PIP4K2B: variants seen among roughly 807,000 people sequenced by gnomAD.
PIP4K2B encodes phosphatidylinositol 5-phosphate 4-kinase type-2 beta.
In PIP4K2B, 3 loss-of-function variants were observed where a neutral mutation model predicts 42.0. The observed-to-expected ratio is 0.07, with a 90% CI of 0.03 to 0.18. PIP4K2B has a LOEUF of 0.18. Ranked by LOEUF, PIP4K2B falls within the 10% of genes least tolerant of loss-of-function variation. The pLI, the probability that PIP4K2B is intolerant of heterozygous loss-of-function variation, is 1.00. For synonymous variants in PIP4K2B, 204 were observed against 210.1 expected, an observed-to-expected ratio of 0.97 and a Z score of 0.25; for missense variants, 332 against 562.3, an observed-to-expected ratio of 0.59 and a Z score of 4.14.
rs1256444798 is a variant in PIP4K2B, at chr17:38,766,985, AATCCTGGCCTTAGCCCT to A, written c.*2689_*2705del. Reference sequence around the variant, plus strand: ...AAGGGGTGACTGGATGCCAGCCAGGAATCCTGGCCTTAGCCCTATCCTGGCCTCGCCTAATCAGCCAT... The same window carrying A: ...AAGGGGTGACTGGATGCCAGCCAGGAATCCTGGCCTCGCCTAATCAGCCAT... On this transcript the variant is annotated 3_prime_UTR_variant, in exon 10 of 10. Transcript: ENST00000619039. The A allele has an allele frequency of 2.0e-5, 3 of 152,428 alleles. No individual in the cohort carries two copies. The highest frequency in any genetic ancestry group is 4.1e-4 in the South Asian group (2 of 4,828). The allele number at this position is 152,428 out of a possible 1,614,324, so 9.4% of individuals were successfully genotyped here.
At chr17:38,790,886 A>G (rs184278294) in intron 1 of PIP4K2B, among the ~76,000 whole-genome samples, 2 of 152,012 alleles carry the variant, frequency 1.3e-5, no homozygotes, top group African/African-American at 4.8e-5. Flanking sequence ...TATTATTATT[A>G]TTTTTTTAGT....
chr17:38,782,242 T>C (rs1169051671), intron 3 of PIP4K2B, among the ~76,000 whole-genome samples: 1 of 152,092 alleles, frequency 6.6e-6, no homozygotes, highest in Non-Finnish European at 1.5e-5. Flanking sequence ...AGTTGGGAGG[T>C]AGAGGCAGCA....
chr17:38,781,966 C>A (rs972237365), intron 3 of PIP4K2B, among the ~76,000 whole-genome samples: 22 of 152,054 alleles, frequency 1.4e-4, no homozygotes, highest in African/African-American at 5.1e-4. Context: ...GCATGCACCA[C>A]CATGCCCGGC....
chr17:38,780,727 G>C, intron 3 of PIP4K2B, 123 bp from the exon 4 acceptor site: 1 of 878,218 alleles, frequency 1.1e-6, no homozygotes, highest in Non-Finnish European at 1.7e-6. Flanking sequence ...GGGACTCCCA[G>C]ATGGGAGTTT....
chr17:38,779,921 G>A lies in PIP4K2B; in HGVS notation c.508-392C>T, dbSNP rs566819081. On this transcript the variant is annotated intron_variant, in intron 4 of 9. Transcript: ENST00000619039. ...GAGACAGGATGCAGAGGCAGGCCAGGGATCCAGCCATCTGGGAGAAGAGAA... is the reference window on the plus strand; with the variant it reads ...GAGACAGGATGCAGAGGCAGGCCAGAGATCCAGCCATCTGGGAGAAGAGAA... 4 of 212,642 alleles carry A rather than the reference G, an allele frequency of 1.9e-5. No individual in the cohort carries two copies. In the East Asian group the frequency reaches 4.2e-4, roughly 22 times the overall value. The allele number at this position is 212,642 out of a possible 1,614,324, so 13.2% of individuals were successfully genotyped here.
Position 38,768,758 on chromosome 17 carries a change from C to T in PIP4K2B, c.*933G>A, listed in dbSNP as rs1174196304. On this transcript the variant is annotated 3_prime_UTR_variant, in exon 10 of 10. Coordinates refer to ENST00000619039, the MANE Select transcript of PIP4K2B (RefSeq NM_003559.5). Reference sequence around the variant, plus strand: ...TTGATACATCAGTTTCTGAAGTTTTCCCAAAGGGAAATAACCATTTAAACA... The same window carrying T: ...TTGATACATCAGTTTCTGAAGTTTTTCCAAAGGGAAATAACCATTTAAACA... 6.6e-6 allele frequency: 1 copy of T among 152,316 alleles called. No individual in the cohort carries two copies. The highest frequency in any genetic ancestry group is 1.5e-5 in the Non-Finnish European group (1 of 68,046). The allele number at this position is 152,316 out of a possible 1,614,324, so 9.4% of individuals were successfully genotyped here.
chr17:38,798,696 T>G (rs921667124), intron 1 of PIP4K2B, among the ~76,000 whole-genome samples: 3 of 152,158 alleles, frequency 2.0e-5, no homozygotes, highest in African/African-American at 7.2e-5. Flanking sequence ...CAAGGAAGCC[T>G]GTGCTTCTCC....
intron 5 of PIP4K2B, among the ~76,000 whole-genome samples, chr17:38,778,670 A>G (rs1482020124): frequency 1.3e-5 from 2 of 151,160 alleles, no homozygotes; most frequent in Admixed American, 6.7e-5. Flanking sequence ...TCATTAGTTC[A>G]TTCACTACCA....
intron 9 of PIP4K2B, among the ~76,000 whole-genome samples, 157 bp from the exon 10 acceptor site, chr17:38,769,928 T>A (rs228288): frequency 0.17 from 26,486 of 151,556 alleles, 2,580 homozygotes; most frequent in East Asian, 0.32. Flanking sequence ...CCTCAGGAAG[T>A]GGCATACAAG....
intron 5 of PIP4K2B, among the ~76,000 whole-genome samples, chr17:38,779,009 G>A (rs539888806): frequency 6.6e-6 from 1 of 152,280 alleles, no homozygotes; most frequent in African/African-American, 2.4e-5. Flanking sequence ...AGAACACGGA[G>A]CACCCTAGTT....
chr17:38,799,399 G>C lies in PIP4K2B; in HGVS notation c.26C>G (p.Thr9Arg), dbSNP rs1358938624. 1.2e-6 allele frequency: 2 copies of C among 1,603,950 alleles called. No homozygotes were observed. Among genetic ancestry groups the C allele is most frequent in the Admixed American group, 1.7e-5 (1 of 59,212 alleles). Reference protein sequence around the residue: MSSNCTSTTAVAVAPLSAS... With the variant: MSSNCTSTRAVAVAPLSAS... Reference sequence around the variant, plus strand: ...GCTGAGCGGCGCCACCGCCACCGCCGTGGTGCTGGTGCAGTTGGACGACAT... The same window carrying C: ...GCTGAGCGGCGCCACCGCCACCGCCCTGGTGCTGGTGCAGTTGGACGACAT... The change falls in exon 1 of 10, where the codon ACG (threonine) becomes AGG (arginine). Residue 9 changes from threonine (T) to arginine (R), a missense_variant. Physicochemically the swap from Thr to Arg is moderately conservative, Grantham distance 71. Transcript: ENST00000619039. The surrounding 1 kb of genome is among the most constrained non-coding windows in gnomAD (Gnocchi z 4.4).
intron 7 of PIP4K2B, among the ~76,000 whole-genome samples, chr17:38,776,414 C>A (rs1444013602): frequency 6.6e-6 from 1 of 152,072 alleles, no homozygotes; most frequent in African/African-American, 2.4e-5. Context: ...GATAAAAGTT[C>A]AGAGATGAAT....
chr17:38,799,176 C>T lies in PIP4K2B; in HGVS notation c.159+90G>A. The T allele has an allele frequency of 1.5e-6, 2 of 1,358,516 alleles. No homozygotes were observed. Among genetic ancestry groups the T allele is most frequent in the Non-Finnish European group, 1.9e-6 (2 of 1,036,136 alleles). 84.2% of individuals were successfully genotyped at this position (1,358,516 alleles called of 1,614,324 possible). ...CTTGGCGAGGGGTGGCAGGCGTCAC[C>T]GGCAGGGCCTGCGGGGCAAGGGCCC... On this transcript the variant is annotated intron_variant, in intron 1 of 9. Coordinates refer to ENST00000619039, the MANE Select transcript of PIP4K2B (RefSeq NM_003559.5). This position sits in a 1 kb window ranked among gnomAD's most constrained non-coding sequence, Gnocchi z 4.4.
At chr17:38,797,898 T>C (rs1910741195) in intron 1 of PIP4K2B, among the ~76,000 whole-genome samples, 2 of 152,294 alleles carry the variant, frequency 1.3e-5, no homozygotes, top group Non-Finnish European at 1.5e-5. Context: ...CTGGGCATTA[T>C]ACCACTGGTA....
At chr17:38,773,272 A>G (rs1298663537) in intron 7 of PIP4K2B, among the ~76,000 whole-genome samples, 1 of 152,160 alleles carries the variant, frequency 6.6e-6, no homozygotes, top group African/African-American at 2.4e-5. Context: ...TAAAAATAGA[A>G]AAAAAAGGAA....
chr17:38,784,473 C>G (rs894322156), intron 2 of PIP4K2B, 134 bp from the exon 3 acceptor site: 19 of 551,694 alleles, frequency 3.4e-5, no homozygotes, highest in African/African-American at 2.1e-4. Context: ...TGGCTTCAAG[C>G]GATCCTCCCA....
intron 3 of PIP4K2B, among the ~76,000 whole-genome samples, chr17:38,782,714 G>A (rs1343602718): frequency 6.6e-6 from 1 of 152,162 alleles, no homozygotes; most frequent in Non-Finnish European, 1.5e-5. Flanking sequence ...GGAGGAGAGA[G>A]GGGAGGAGAC....
intron 1 of PIP4K2B, among the ~76,000 whole-genome samples, chr17:38,787,244 C>A (rs1910081326): frequency 6.6e-6 from 1 of 152,182 alleles, no homozygotes. Flanking sequence ...CTGTCCTGAG[C>A]TCAAGCAATC....
chr17:38,784,170 T>C, intron 3 of PIP4K2B, 73 bp downstream of exon 3: 1 of 887,188 alleles, frequency 1.1e-6, no homozygotes, highest in Non-Finnish European at 1.9e-6. Flanking sequence ...ACGTTTTGAT[T>C]CTCTACCTGT....
Sources: gnomAD v4.1 joint callset for allele counts (sites outside exome capture counted in the v4.1 genomes callset) on GRCh38, gnomAD v4.1.1 for gene constraint, Gnocchi (gnomAD v3.1) non-coding constraint, MANE v1.5 for transcripts, NCBI Gene and HGNC (gene_info 2026-07-23, HGNC 2026-07-21) for gene names.